Variants in GBF1 observed in about 807,000 individuals in gnomAD.
The protein encoded by GBF1 is golgi brefeldin A resistant guanine nucleotide exchange factor 1, also known as Golgi-specific brefeldin A-resistance guanine nucleotide exchange factor 1.
GBF1 carries 114 observed loss-of-function variants against 210.5 expected under a neutral mutation model. The ratio of observed to expected loss-of-function variants is 0.54; its 90% confidence interval spans 0.47 to 0.63. GBF1 has a LOEUF of 0.63. Among genes scored for constraint, GBF1 ranks in the 30% least tolerant of loss-of-function variants. The pLI, the probability that GBF1 is intolerant of heterozygous loss-of-function variation, is 0.00. For synonymous variants in GBF1, 850 were observed against 889.2 expected (o/e 0.96, Z 0.78); for missense variants, 1,851 against 2,357.7 (o/e 0.79, Z 4.45).
In GBF1 at chr10:102,359,574, G is replaced by A. The variant is rs140496085; in HGVS notation, c.1180+139G>A. 26 of 646,894 alleles carry A rather than the reference G, an allele frequency of 4.0e-5. No homozygotes were observed. In the African/African-American group the frequency reaches 4.4e-4, roughly 11 times the overall value. 40.1% of individuals were successfully genotyped at this position (646,894 alleles called of 1,614,324 possible). A position where few individuals can be genotyped will look rare whatever the true frequency, so the allele number is the denominator to read the frequency against. Reference sequence around the variant, plus strand: ...CTAGGCTATTTTCTAGTCAGGAAATGGAGTCAAGCCATAGACTGTTGGCAT... The same window carrying A: ...CTAGGCTATTTTCTAGTCAGGAAATAGAGTCAAGCCATAGACTGTTGGCAT... On this transcript the variant is annotated intron_variant, in intron 11 of 39. Coordinates refer to ENST00000369983, the MANE Select transcript of GBF1 (RefSeq NM_001377137.1).
chr10:102,314,000 G>A (rs577734092), intron 3 of GBF1, among the ~76,000 whole-genome samples: 8 of 152,112 alleles, frequency 5.3e-5, no homozygotes, highest in East Asian at 1.9e-4. Context: ...TGATGAGAGC[G>A]TATGTCAGGA....
intron 8 of GBF1, among the ~76,000 whole-genome samples, chr10:102,354,366 G>A (rs996124645): frequency 1.3e-5 from 2 of 152,060 alleles, no homozygotes; most frequent in Non-Finnish European, 2.9e-5. Flanking sequence ...CCTGTCTTTC[G>A]CAGATATCTC....
At chr10:102,259,205 C>CT (rs1487532650) in intron 2 of GBF1, among the ~76,000 whole-genome samples, 171 bp downstream of exon 2, 2 of 152,130 alleles carry the variant, frequency 1.3e-5, no homozygotes, top group African/African-American at 4.8e-5. Context: ...TATAGGCTAT[C>CT]TTTTTTTCTC....
chr10:102,349,393 G>T (rs892395363), intron 4 of GBF1, among the ~76,000 whole-genome samples: 2 of 151,888 alleles, frequency 1.3e-5, no homozygotes, highest in African/African-American at 4.9e-5. Flanking sequence ...ATTGCTGGGT[G>T]TGGTGGCAGG....
At chr10:102,360,694 C>T (rs921090520) in intron 12 of GBF1, among the ~76,000 whole-genome samples, 5 of 152,130 alleles carry the variant, frequency 3.3e-5, no homozygotes, top group South Asian at 2.1e-4. Context: ...ACCTCACAGC[C>T]GGGCTGGGTG....
At chr10:102,376,512 CA>C in intron 31 of GBF1, 47 bp from the exon 32 acceptor site, 1 of 1,611,830 alleles carries the variant, frequency 6.2e-7, no homozygotes, top group Non-Finnish European at 8.5e-7. Flanking sequence ...CAAGGACATT[CA>C]CACAGGGGCC....
intron 4 of GBF1, among the ~76,000 whole-genome samples, chr10:102,350,195 C>G (rs976686274): frequency 5.3e-5 from 8 of 151,896 alleles, no homozygotes; most frequent in African/African-American, 1.9e-4. Context: ...ACTAAAAATA[C>G]AAAATTAGCC....
At chr10:102,310,144 G>C (rs2078282184) in intron 3 of GBF1, among the ~76,000 whole-genome samples, 1 of 152,206 alleles carries the variant, frequency 6.6e-6, no homozygotes, top group East Asian at 1.9e-4. Context: ...GGGTACATAT[G>C]TTTCGCCTTC....
intron 3 of GBF1, among the ~76,000 whole-genome samples, chr10:102,338,103 G>A (rs1407697187): frequency 6.6e-6 from 1 of 152,010 alleles, no homozygotes. Context: ...TGATAATGAA[G>A]GTTCCTGGTG....
chr10:102,241,453 C>A (rs928436272), upstream of GBF1: 4 of 152,438 alleles, frequency 2.6e-5, no homozygotes, highest in African/African-American at 7.2e-5. This position sits in a 1 kb window ranked among gnomAD's most constrained non-coding sequence, Gnocchi z 6.7. Context: ...GCTCCCGGGC[C>A]GCCTCTCCGC....
intron 3 of GBF1, among the ~76,000 whole-genome samples, chr10:102,319,828 A>G (rs2056234348): frequency 6.7e-6 from 1 of 148,744 alleles, no homozygotes; most frequent in South Asian, 2.1e-4. Flanking sequence ...TCCCAAGTTC[A>G]AGCAATTTTC....
chr10:102,367,638 T>G lies in GBF1; in HGVS notation c.2642+78T>G, dbSNP rs1311629192. 3.4e-6 allele frequency: 3 copies of G among 887,184 alleles called. No individual in the cohort carries two copies. The African/African-American group carries it at 4.9e-5, about 14-fold the overall frequency. The allele number at this position is 887,184 out of a possible 1,614,324, so 55.0% of individuals were successfully genotyped here. A position where few individuals can be genotyped will look rare whatever the true frequency, so the allele number is the denominator to read the frequency against. On this transcript the variant is annotated intron_variant, in intron 21 of 39. Transcript: ENST00000369983. ...CTTCCTTTCCCAGTTTTTAGAGTCA[T>G]GTCAGACTGCAGTGACTCACATGCC...
At chr10:102,267,304 A>G (rs1364890385) in intron 3 of GBF1, among the ~76,000 whole-genome samples, 2 of 152,220 alleles carry the variant, frequency 1.3e-5, no homozygotes, top group African/African-American at 4.8e-5. Flanking sequence ...CAGCAGTTCG[A>G]GACCAGCCTG....
chr10:102,297,404 T>C (rs1465176891), intron 3 of GBF1, among the ~76,000 whole-genome samples: 1 of 152,242 alleles, frequency 6.6e-6, no homozygotes, highest in African/African-American at 2.4e-5. Flanking sequence ...TTTTGTTTTA[T>C]GTATGTTTTG....
chr10:102,302,046 C>G (rs1024718762), intron 3 of GBF1, among the ~76,000 whole-genome samples: 59 of 152,236 alleles, frequency 3.9e-4, no homozygotes, highest in African/African-American at 1.4e-3. Context: ...GCAGATCACT[C>G]GCGGTTAGGA....
intron 3 of GBF1, among the ~76,000 whole-genome samples, chr10:102,284,012 C>A (rs938925529): frequency 2.0e-5 from 3 of 152,156 alleles, no homozygotes; most frequent in African/African-American, 7.2e-5. Context: ...ATTTCTGCAA[C>A]CAGTTTTGGT....
At chr10:102,338,104 G>A (rs1046771630) in intron 3 of GBF1, among the ~76,000 whole-genome samples, 1 of 152,048 alleles carries the variant, frequency 6.6e-6, no homozygotes, top group African/African-American at 2.4e-5. Context: ...GATAATGAAG[G>A]TTCCTGGTGG....
intron 3 of GBF1, among the ~76,000 whole-genome samples, chr10:102,289,737 T>C (rs2076280047): frequency 6.6e-6 from 1 of 152,160 alleles, no homozygotes; most frequent in Non-Finnish European, 1.5e-5. Flanking sequence ...GGTTCCAAAA[T>C]TGTGTTTAAC....
intron 10 of GBF1, 123 bp downstream of exon 10, chr10:102,358,852 G>C (rs950573774): frequency 4.6e-6 from 3 of 650,588 alleles, no homozygotes; most frequent in Non-Finnish European, 8.1e-6. Flanking sequence ...AAGAAGCTCT[G>C]ATCTTTCCTG....
Sources: gnomAD v4.1 joint callset for allele counts (sites outside exome capture counted in the v4.1 genomes callset) on GRCh38, gnomAD v4.1.1 for gene constraint, Gnocchi (gnomAD v3.1) non-coding constraint, MANE v1.5 for transcripts, NCBI Gene and HGNC (gene_info 2026-07-23, HGNC 2026-07-21) for gene names.